Variants in SLC15A2 observed in about 807,000 individuals in gnomAD.
SLC15A2 encodes solute carrier family 15 member 2.
SLC15A2 carries 77 observed loss-of-function variants against 95.5 expected under a neutral mutation model. The ratio of observed to expected loss-of-function variants is 0.81; its 90% CI spans 0.67 to 0.97. The LOEUF (loss-of-function observed/expected upper bound fraction) is 0.97, where lower values mean the gene tolerates loss of function less well. Ranked by LOEUF, SLC15A2 falls within the 50% of genes least tolerant of loss-of-function variation. The pLI, the probability that SLC15A2 is intolerant of heterozygous loss-of-function variation, is 0.00. For missense variants in SLC15A2, 893 were observed against 874.4 expected, an observed-to-expected ratio of 1.02 and a Z score of -0.27; for synonymous variants, 306 against 306.9, an observed-to-expected ratio of 1.00 and a Z score of 0.03.
In SLC15A2 at chr3:121,922,762, C is replaced by T. The variant is rs2107596148; in HGVS notation, c.781-13C>T. 6.2e-7 allele frequency: 1 copy of T among 1,606,840 alleles called. No individual in the cohort carries two copies. Among genetic ancestry groups the T allele is most frequent in the African/African-American group, 1.3e-5 (1 of 74,864 alleles). The stretch of plus-strand genomic sequence containing the variant: ...CTCTTTGTCTCTCCCATGATGTCTA[C>T]TCTCTGCCCTAGTTTGCTATTTCCA... On this transcript the variant is annotated splice_polypyrimidine_tract_variant and intron_variant, in intron 8 of 21. Coordinates refer to ENST00000489711, the MANE Select transcript of SLC15A2 (RefSeq NM_021082.4).
At chr3:121,905,056 C>T (rs1485407216) in intron 3 of SLC15A2, among the ~76,000 whole-genome samples, 2 of 152,156 alleles carry the variant, frequency 1.3e-5, no homozygotes, top group African/African-American at 4.8e-5. Context: ...AGAGATTCAA[C>T]TTCTTTCTGG....
intron 4 of SLC15A2, among the ~76,000 whole-genome samples, chr3:121,912,568 C>T (rs1460000316): frequency 6.6e-6 from 1 of 152,040 alleles, no homozygotes; most frequent in African/African-American, 2.4e-5. Context: ...TTATTGGTGT[C>T]CCGTCAAAAA....
intron 19 of SLC15A2, among the ~76,000 whole-genome samples, chr3:121,934,575 G>C (rs1349365629): frequency 6.6e-6 from 1 of 150,674 alleles, no homozygotes; most frequent in East Asian, 2.0e-4. Context: ...GTCTGTTATT[G>C]GTGTATAAGA....
chr3:121,898,353 T>G (rs1008465655), intron 3 of SLC15A2, among the ~76,000 whole-genome samples: 1 of 152,170 alleles, frequency 6.6e-6, no homozygotes, highest in African/African-American at 2.4e-5. Context: ...AATATTTTCA[T>G]GAGTTAGACT....
chr3:121,935,145 G>A (rs2107609773), intron 19 of SLC15A2, among the ~76,000 whole-genome samples: 1 of 152,302 alleles, frequency 6.6e-6, no homozygotes, highest in Non-Finnish European at 1.5e-5. Flanking sequence ...GCTTTTTGAT[G>A]TGCTGCTGGA....
At position 121,923,046 on chromosome 3, in the gene SLC15A2, C is replaced by T. The variant is rs1710039108; in HGVS notation, c.874C>T (p.Leu292Phe). 2 of 1,613,658 alleles carry T rather than the reference C, an allele frequency of 1.2e-6. No individual in the cohort carries two copies. Among genetic ancestry groups the T allele is most frequent in the African/African-American group, 1.3e-5 (1 of 74,920 alleles). The change falls in exon 10 of 22, where the codon CTC (leucine) becomes TTC (phenylalanine). Residue 292 changes from leucine (L) to phenylalanine (F), a missense_variant. Leu to Phe is a conservative substitution (Grantham distance 22). Transcript: ENST00000489711. ...TTCTTCCTCCTTTTCGCAGAAGCAGCTCATTATGGATGTAAAGGCACTGAC... is the reference window on the plus strand; with the variant it reads ...TTCTTCCTCCTTTTCGCAGAAGCAGTTCATTATGGATGTAAAGGCACTGAC... ...DWAAEKYPKQ[L>F]IMDVKALTRV...
intron 19 of SLC15A2, among the ~76,000 whole-genome samples, chr3:121,934,204 C>T (rs1710291001): frequency 6.6e-6 from 1 of 152,186 alleles, no homozygotes; most frequent in Non-Finnish European, 1.5e-5. Flanking sequence ...TGTGATGCCT[C>T]CAGCTTTGTT....
Position 121,923,065 on chromosome 3 carries a change from C to A in SLC15A2, c.893C>A (p.Ala298Glu), listed in dbSNP as rs1397569809. 1.9e-6 allele frequency: 3 copies of A among 1,614,046 alleles called. No homozygotes were observed. The highest frequency in any genetic ancestry group is 2.2e-5 in the East Asian group (1 of 44,880). ...AAGCAGCTCATTATGGATGTAAAGG[C>A]ACTGACCAGGGTACTATTCCTTTAT... The part of the protein sequence containing the change: ...YPKQLIMDVK[A>E]LTRVLFLYIP... Residue 298 changes from alanine to glutamate, a missense_variant, in exon 10 of 22, where the codon GCA (alanine) becomes GAA (glutamate). Coordinates refer to ENST00000489711, the MANE Select transcript of SLC15A2 (RefSeq NM_021082.4).
At chr3:121,929,594 G>T (rs1412335085) in intron 17 of SLC15A2, among the ~76,000 whole-genome samples, 1 of 152,018 alleles carries the variant, frequency 6.6e-6, no homozygotes, top group Non-Finnish European at 1.5e-5. Flanking sequence ...CCTTTCTGCT[G>T]AATTTTATCT....
At chr3:121,934,602 T>C (rs1374748173) in intron 19 of SLC15A2, among the ~76,000 whole-genome samples, 24 of 151,156 alleles carry the variant, frequency 1.6e-4, no homozygotes, top group African/African-American at 5.1e-4. Flanking sequence ...GTGATTTTTG[T>C]ACATTGATTT....
rs562960085 is a variant in SLC15A2 at position 121,907,860 on chromosome 3, C to T, written c.336-3714C>T. Among the ~76,000 whole-genome samples the T allele has an allele frequency of 8.1e-4, 124 of 152,356 alleles. 1 individual carries two copies. The highest frequency in any genetic ancestry group is 4.3e-3 in the South Asian group (21 of 4,828). On this transcript the variant is annotated intron_variant, in intron 3 of 21. Transcript: ENST00000489711. ...GACCCACTTGAGGAGGCAGTCTGTCCGTTCTCAGAGCTCAAAAACCCTACT... is the reference window on the plus strand; with the variant it reads ...GACCCACTTGAGGAGGCAGTCTGTCTGTTCTCAGAGCTCAAAAACCCTACT...
At chr3:121,938,488 C>G (rs567882290) in intron 19 of SLC15A2, among the ~76,000 whole-genome samples, 1 of 152,318 alleles carries the variant, frequency 6.6e-6, no homozygotes, top group African/African-American at 2.4e-5. Flanking sequence ...TTAAGCCCGT[C>G]GGAAAAGCGC....
chr3:121,900,754 A>G (rs544348401), intron 3 of SLC15A2, among the ~76,000 whole-genome samples: 32 of 152,092 alleles, frequency 2.1e-4, no homozygotes, highest in African/African-American at 7.0e-4. Flanking sequence ...CACCTATGCT[A>G]TGGAGTATTC....
intron 11 of SLC15A2, 109 bp downstream of exon 11, chr3:121,923,375 G>GA: frequency 1.8e-6 from 2 of 1,122,480 alleles, no homozygotes; most frequent in Non-Finnish European, 2.6e-6. Context: ...GATCTTCAGA[G>GA]AAGTGCTTTT....
chr3:121,916,092 T>C (rs1052705463), intron 7 of SLC15A2, among the ~76,000 whole-genome samples: 5 of 152,210 alleles, frequency 3.3e-5, no homozygotes, highest in Non-Finnish European at 7.3e-5. Flanking sequence ...ATTATACTTA[T>C]TTATCTGGTA....
rs766525050 is a variant in SLC15A2 at position 121,939,494 on chromosome 3, A to G, written c.1907A>G (p.Gln636Arg). The G allele has an allele frequency of 6.7e-7, 1 of 1,494,612 alleles. No individual in the cohort carries two copies. The highest frequency in any genetic ancestry group is 2.5e-5 in the East Asian group (1 of 39,676). The allele number at this position is 1,494,612 out of a possible 1,614,324, so 92.6% of individuals were successfully genotyped here. A position where few individuals can be genotyped will look rare whatever the true frequency, so the allele number is the denominator to read the frequency against. Residue 636 changes from glutamine to arginine, a missense_variant and splice_region_variant, in exon 20 of 22, where the codon CAG becomes CGG. Coordinates refer to ENST00000489711, the MANE Select transcript of SLC15A2 (RefSeq NM_021082.4). ...ACAGGTCTTGAGTTTTCTTATTCTCAGGTAAGTTTTTGCAAATAGAAGGTA... is the reference window on the plus strand; with the variant it reads ...ACAGGTCTTGAGTTTTCTTATTCTCGGGTAAGTTTTTGCAAATAGAAGGTA... The part of the protein sequence containing the change: ...SVTGLEFSYS[Q>R]APSSMKSVLQ...
rs1559844070 is a variant in SLC15A2, at chr3:121,911,577, A to C, written c.339A>C (p.Thr113=). ...IADSWLGKFK[T]IIYLSLVYVL... is the part of the protein sequence containing the mutation. ...ACTGATTTAGCTCTCTCAACAGGAC[A>C]ATCATCTATCTCTCCTTGGTGTATG... Residue 113 remains threonine (T), a synonymous_variant, in exon 4 of 22, where the codon ACA becomes ACC. Transcript: ENST00000489711. The C allele has an allele frequency of 6.2e-7, 1 of 1,612,836 alleles. No homozygotes were observed. Among genetic ancestry groups the C allele is most frequent in the Admixed American group, 1.7e-5 (1 of 60,008 alleles).
chr3:121,935,463 A>C (rs1189196919), intron 19 of SLC15A2, among the ~76,000 whole-genome samples: 1 of 152,142 alleles, frequency 6.6e-6, no homozygotes, highest in Admixed American at 6.6e-5. Context: ...GTCTATTCAG[A>C]GATTCAACTT....
intron 7 of SLC15A2, among the ~76,000 whole-genome samples, chr3:121,918,862 C>G (rs1167199207): frequency 6.6e-6 from 1 of 152,194 alleles, no homozygotes; most frequent in Non-Finnish European, 1.5e-5. Flanking sequence ...TTGGAGGAGA[C>G]TGAGAAGTAA....
Sources: allele counts gnomAD v4.1 joint callset (sites outside exome capture counted in the v4.1 genomes callset), GRCh38; gene constraint gnomAD v4.1.1; transcripts MANE v1.5; gene names NCBI Gene and HGNC (gene_info 2026-07-23, HGNC 2026-07-21).